Variants in WDR25 observed in about 807,000 individuals in gnomAD.
WDR25 encodes the protein WD repeat domain 25.
A neutral mutation model predicts 47.7 loss-of-function variants in WDR25; 35 were observed. The observed-to-expected ratio is 0.73, with a 90% CI of 0.56 to 0.97. The LOEUF (loss-of-function observed/expected upper bound fraction) is 0.97, where lower values mean the gene tolerates loss of function less well. WDR25 is among the 50% of genes least tolerant of loss of function. The probability of loss-of-function intolerance (pLI) is 0.00; values close to 1 mark genes in which losing one functional copy is unlikely to be tolerated. For missense variants in WDR25, 634 were observed against 704.7 expected (o/e 0.90, Z 1.14); for synonymous variants, 248 against 278.9 (o/e 0.89, Z 1.10).
At chr14:100,501,829 G>A (rs1214770668) in intron 4 of WDR25, among the ~76,000 whole-genome samples, 2 of 152,232 alleles carry the variant, frequency 1.3e-5, no homozygotes, top group Non-Finnish European at 2.9e-5. Context: ...GGCACTGAAT[G>A]TGGGGGCTCA....
chr14:100,435,350 A>G (rs961519567), intron 2 of WDR25, among the ~76,000 whole-genome samples: 1 of 152,202 alleles, frequency 6.6e-6, no homozygotes, highest in African/African-American at 2.4e-5. Context: ...AACCCAGGAG[A>G]AAGGAGGAGC....
At chr14:100,401,568 C>G (rs533259184) in intron 2 of WDR25, among the ~76,000 whole-genome samples, 3 of 152,262 alleles carry the variant, frequency 2.0e-5, no homozygotes, top group Non-Finnish European at 4.4e-5. Context: ...TTGATCACTT[C>G]TTCCTCCCCA....
intron 2 of WDR25, among the ~76,000 whole-genome samples, chr14:100,446,857 A>G (rs1367699691): frequency 2.6e-5 from 4 of 152,172 alleles, no homozygotes; most frequent in Non-Finnish European, 1.5e-5. Flanking sequence ...TCAGCACCGC[A>G]TGGATGCAGG....
intron 4 of WDR25, among the ~76,000 whole-genome samples, chr14:100,501,683 G>A (rs537048052): frequency 6.2e-4 from 94 of 152,268 alleles, no homozygotes; most frequent in African/African-American, 2.2e-3. Flanking sequence ...GGGAACCCCT[G>A]TGTAAGCCAC....
intron 2 of WDR25, among the ~76,000 whole-genome samples, chr14:100,405,168 C>CTTTTTTTTTTTTTTTTTTTTTT (rs35414565): frequency 6.8e-6 from 1 of 146,258 alleles, no homozygotes; most frequent in African/African-American, 2.6e-5. Context: ...TCTGCCCCAT[C>CTTTTTTTTTTTTTTTTTTTTTT]TTTTTTTTTT....
chr14:100,474,470 C>CGT (rs932970233), intron 3 of WDR25, among the ~76,000 whole-genome samples: 1 of 152,098 alleles, frequency 6.6e-6, no homozygotes, highest in Non-Finnish European at 1.5e-5. Context: ...TGATGTCTGG[C>CGT]GTGTGTGTGT....
At chr14:100,494,771 G>A (rs1433521587) in intron 4 of WDR25, among the ~76,000 whole-genome samples, 2 of 152,214 alleles carry the variant, frequency 1.3e-5, no homozygotes, top group East Asian at 1.9e-4. Context: ...TGTGGAAGGC[G>A]GGAGCCAGTG....
rs548693514 is a variant in WDR25 at position 100,428,398 on chromosome 14, C to T, written c.823-39623C>T. On this transcript the variant is annotated intron_variant, in intron 2 of 6. Transcript: ENST00000402312. This position sits in a 1 kb window ranked among gnomAD's most constrained non-coding sequence, Gnocchi z 4.3. The stretch of plus-strand genomic sequence containing the variant: ...CGTCTGGAGTCAGGCGGCCTGGCTA[C>T]GGGTCTTGGGTCTGCCACTCACCAG... Among the ~76,000 whole-genome samples the T allele has an allele frequency of 2.8e-4, 42 of 152,320 alleles. No individual in the cohort carries two copies. Among genetic ancestry groups the T allele is most frequent in the African/African-American group, 8.9e-4 (37 of 41,570 alleles).
intron 2 of WDR25, among the ~76,000 whole-genome samples, chr14:100,386,755 C>T (rs553384259): frequency 8.2e-4 from 125 of 151,974 alleles, no homozygotes; most frequent in African/African-American, 2.7e-3. Context: ...TAGCCGGGCG[C>T]GGTGGTGGGC....
intron 2 of WDR25, among the ~76,000 whole-genome samples, chr14:100,422,147 A>G (rs1169856740): frequency 2.0e-5 from 3 of 152,188 alleles, no homozygotes; most frequent in Admixed American, 1.3e-4. Context: ...TCTCTGCTCC[A>G]CTTGGTATCA....
intron 2 of WDR25, among the ~76,000 whole-genome samples, chr14:100,402,395 A>G (rs1458508877): frequency 1.3e-5 from 2 of 152,124 alleles, no homozygotes; most frequent in African/African-American, 2.4e-5. Flanking sequence ...CAAAAAATCA[A>G]AAAATTCCCT....
At chr14:100,503,314 G>A (rs78462471) in intron 4 of WDR25, among the ~76,000 whole-genome samples, 217 of 152,262 alleles carry the variant, frequency 1.4e-3, no homozygotes, top group African/African-American at 5.0e-3. Flanking sequence ...ATATAAAAGG[G>A]AAAGGTGTCC....
At chr14:100,526,692 ATCATCGTCACCAT>A (rs2030158475) in intron 5 of WDR25, among the ~76,000 whole-genome samples, 1 of 148,468 alleles carries the variant, frequency 6.7e-6, no homozygotes, top group Non-Finnish European at 1.5e-5. Flanking sequence ...CACTGCCACC[ATCATCGTCACCAT>A]CAGTACCACC....
chr14:100,380,944 C>A lies in WDR25; in HGVS notation c.20C>A (p.Ser7Tyr), dbSNP rs190371335. The change falls in exon 2 of 7, where the codon TCT (serine) becomes TAT (tyrosine). Residue 7 changes from serine to tyrosine, a missense_variant. By Grantham distance (144) the Ser-to-Tyr change is moderately radical. Transcript: ENST00000402312. MTARTL[S>Y]LMASLVAYDD... ...CTTTGAATGACAGCAAGAACTCTGTCTTTAATGGCTTCATTGGTAGCGTAT... is the reference window on the plus strand; with the variant it reads ...CTTTGAATGACAGCAAGAACTCTGTATTTAATGGCTTCATTGGTAGCGTAT... 4.9e-5 allele frequency: 79 copies of A among 1,613,636 alleles called. No individual in the cohort carries two copies. The highest frequency in any genetic ancestry group is 2.7e-4 in the East Asian group (12 of 44,870).
rs527766636 is a variant in WDR25 at position 100,478,816 on chromosome 14, G to A, written c.971-5178G>A. On this transcript the variant is annotated intron_variant, in intron 3 of 6. Coordinates refer to ENST00000402312, the MANE Select transcript of WDR25 (RefSeq NM_001161476.3). ...CTCTCATCTTTCTTCCCCATTGTTG[G>A]CAAGACTGTATCACTGCACTTTTGA... Among the ~76,000 whole-genome samples the A allele has an allele frequency of 2.0e-5, 3 of 152,048 alleles. No homozygotes were observed. In the East Asian group the frequency reaches 5.8e-4, roughly 29 times the overall value.
At chr14:100,512,727 A>G (rs766002288) in intron 4 of WDR25, among the ~76,000 whole-genome samples, 56 of 152,294 alleles carry the variant, frequency 3.7e-4, no homozygotes, top group Non-Finnish European at 6.6e-4. Context: ...GTTCAATACT[A>G]TTGATTTTTC....
intron 5 of WDR25, 123 bp from the exon 6 acceptor site, chr14:100,528,945 C>T: frequency 2.6e-6 from 3 of 1,167,574 alleles, no homozygotes; most frequent in Non-Finnish European, 3.5e-6. Flanking sequence ...TGATTTGTCA[C>T]AGCAGTGATA....
At chr14:100,395,546 C>T (rs1897239227) in intron 2 of WDR25, among the ~76,000 whole-genome samples, 1 of 152,186 alleles carries the variant, frequency 6.6e-6, no homozygotes, top group African/African-American at 2.4e-5. Context: ...ACCTTTGCTG[C>T]CTCTGCTTTC....
rs750507335 is a variant in WDR25, at chr14:100,500,300, G to A, written c.1101+16176G>A. 6.3e-4 allele frequency among the ~76,000 whole-genome samples: 96 copies of A among 152,154 alleles called. No homozygotes were observed. Among genetic ancestry groups the A allele is most frequent in the African/African-American group, 8.7e-4 (36 of 41,434 alleles). The stretch of plus-strand genomic sequence containing the variant: ...GTGGTTCAGGACCTGCGGGGGCTGC[G>A]GGGAAGGCCCTGCCCTAATTCAGTG... On this transcript the variant is annotated intron_variant, in intron 4 of 6. Coordinates refer to ENST00000402312, the MANE Select transcript of WDR25 (RefSeq NM_001161476.3). The surrounding 1 kb of genome is among the most constrained non-coding windows in gnomAD (Gnocchi z 4.7).
Sources: allele counts gnomAD v4.1 joint callset (sites outside exome capture counted in the v4.1 genomes callset), GRCh38; gene constraint gnomAD v4.1.1; non-coding constraint Gnocchi (gnomAD v3.1); transcripts MANE v1.5; gene names NCBI Gene and HGNC (gene_info 2026-07-23, HGNC 2026-07-21).